Variants in GRM8 observed in about 807,000 individuals in gnomAD.
GRM8 encodes the protein glutamate metabotropic receptor 8.
Under a neutral mutation model 87.2 loss-of-function variants are expected in GRM8, and 47 were observed. That is an observed-to-expected ratio of 0.54 (90% CI 0.43 to 0.69). The LOEUF is 0.69. Ranked by LOEUF, GRM8 falls within the 30% of genes least tolerant of loss-of-function variation. GRM8 has a pLI of 0.00. For synonymous variants in GRM8, 396 were observed against 404.5 expected (o/e 0.98, Z 0.25); for missense variants, 1,019 against 1,139.2 (o/e 0.89, Z 1.52).
intron 3 of GRM8, among the ~76,000 whole-genome samples, chr7:127,093,787 A>C (rs757175702): frequency 6.6e-6 from 1 of 152,180 alleles, no homozygotes; most frequent in Non-Finnish European, 1.5e-5. Flanking sequence ...GGGACCCCCA[A>C]TGAATCATGA....
chr7:126,756,983 TA>T, intron 7 of GRM8, among the ~76,000 whole-genome samples: 1 of 152,164 alleles, frequency 6.6e-6, no homozygotes, highest in East Asian at 1.9e-4. Flanking sequence ...ATGGGTATTG[TA>T]CTAAAATGTA....
At chr7:127,195,597 A>G (rs765401377) in intron 2 of GRM8, among the ~76,000 whole-genome samples, 6 of 152,050 alleles carry the variant, frequency 3.9e-5, no homozygotes, top group Non-Finnish European at 7.4e-5. Context: ...GGACCTATGC[A>G]CTTTCACCTC....
intron 7 of GRM8, among the ~76,000 whole-genome samples, chr7:126,627,548 T>G (rs1430005191): frequency 1.3e-5 from 2 of 152,208 alleles, no homozygotes; most frequent in African/African-American, 4.8e-5. Context: ...TTTTCTTCTT[T>G]TCTTATTGTA....
At chr7:126,763,665 T>C (rs941218085) in intron 7 of GRM8, among the ~76,000 whole-genome samples, 11 of 151,816 alleles carry the variant, frequency 7.2e-5, no homozygotes, top group Non-Finnish European at 1.6e-4. Flanking sequence ...ATTATTGTAG[T>C]TTAACATTAT....
At chr7:126,592,896 C>G (rs1032419786) in intron 8 of GRM8, among the ~76,000 whole-genome samples, 2 of 151,728 alleles carry the variant, frequency 1.3e-5, no homozygotes, top group African/African-American at 4.8e-5. Context: ...TTATTTATAA[C>G]AAACACTAAA....
At chr7:126,631,021 G>T (rs1801201233) in intron 7 of GRM8, among the ~76,000 whole-genome samples, 1 of 152,112 alleles carries the variant, frequency 6.6e-6, no homozygotes, top group Admixed American at 6.6e-5. Flanking sequence ...AGTATTAGAA[G>T]TTCTAGCCAG....
At chr7:126,585,120 A>G (rs1562978320) in intron 8 of GRM8, among the ~76,000 whole-genome samples, 1 of 152,186 alleles carries the variant, frequency 6.6e-6, no homozygotes, top group Non-Finnish European at 1.5e-5. Context: ...TTATTAGAGT[A>G]CCTTTTAACT....
chr7:126,755,542 T>C (rs1816906173), intron 7 of GRM8, among the ~76,000 whole-genome samples: 1 of 151,956 alleles, frequency 6.6e-6, no homozygotes, highest in South Asian at 2.1e-4. Context: ...AATGTCTCTT[T>C]AGCACTCTAG....
intron 7 of GRM8, among the ~76,000 whole-genome samples, chr7:126,765,690 A>AATC (rs1406834933): frequency 6.6e-6 from 1 of 152,104 alleles, no homozygotes; most frequent in Non-Finnish European, 1.5e-5. Flanking sequence ...TTTGTTGATA[A>AATC]ATCTTAGGGT....
intron 6 of GRM8, among the ~76,000 whole-genome samples, chr7:126,797,182 T>C (rs1283410105): frequency 6.6e-6 from 1 of 152,132 alleles, no homozygotes; most frequent in Non-Finnish European, 1.5e-5. Flanking sequence ...ATTCTTGAGA[T>C]ATTCATGGCT....
intron 7 of GRM8, among the ~76,000 whole-genome samples, chr7:126,737,930 C>G (rs1255012475): frequency 6.6e-6 from 1 of 152,034 alleles, no homozygotes; most frequent in Non-Finnish European, 1.5e-5. Flanking sequence ...AGGGTGATCT[C>G]AAGCCAGAGA....
At chr7:126,822,353 C>T (rs2130192032) in intron 6 of GRM8, among the ~76,000 whole-genome samples, 1 of 152,294 alleles carries the variant, frequency 6.6e-6, no homozygotes, top group Admixed American at 6.5e-5. Context: ...GGACTATCTT[C>T]TTTACACATG....
At chr7:127,084,301 T>C (rs890803112) in intron 3 of GRM8, 2 of 152,198 alleles carry the variant, frequency 1.3e-5, no homozygotes, top group Admixed American at 1.3e-4. Context: ...TCCTTCAAGA[T>C]ATTTGCAAAC....
intron 3 of GRM8, among the ~76,000 whole-genome samples, chr7:126,956,085 G>A (rs540220545): frequency 6.6e-6 from 1 of 152,154 alleles, no homozygotes; most frequent in Non-Finnish European, 1.5e-5. Context: ...ACCAATTTTG[G>A]TATATTATCA....
At chr7:127,063,075 A>G (rs931563340) in intron 3 of GRM8, among the ~76,000 whole-genome samples, 1 of 151,616 alleles carries the variant, frequency 6.6e-6, no homozygotes, top group African/African-American at 2.4e-5. Context: ...ACACGGTGAA[A>G]CCCCGTTTCT....
intron 3 of GRM8, among the ~76,000 whole-genome samples, chr7:126,967,312 T>G (rs28951978): frequency 6.6e-6 from 1 of 152,322 alleles, no homozygotes; most frequent in East Asian, 1.9e-4. Context: ...TTAACAGCAA[T>G]GGAAGATGAA....
intron 9 of GRM8, among the ~76,000 whole-genome samples, chr7:126,507,190 T>C (rs1810616832): frequency 6.6e-6 from 1 of 152,098 alleles, no homozygotes; most frequent in Non-Finnish European, 1.5e-5. Context: ...CTACTTTTAC[T>C]TTCCGCAAGT....
chr7:126,675,131 T>C (rs143710163), intron 7 of GRM8, among the ~76,000 whole-genome samples: 157 of 152,312 alleles, frequency 1.0e-3, no homozygotes, highest in African/African-American at 3.7e-3. Flanking sequence ...TACCTTTGGT[T>C]TGAAGCAACA....
intron 9 of GRM8, among the ~76,000 whole-genome samples, chr7:126,519,229 A>C (rs1812615431): frequency 6.6e-6 from 1 of 152,074 alleles, no homozygotes; most frequent in South Asian, 2.1e-4. Context: ...ACTGAAGAAC[A>C]ACACAGAACA....
Sources: gnomAD v4.1 joint callset for allele counts (sites outside exome capture counted in the v4.1 genomes callset) on GRCh38, gnomAD v4.1.1 for gene constraint, MANE v1.5 for transcripts, NCBI Gene and HGNC (gene_info 2026-07-23, HGNC 2026-07-21) for gene names.